Variants in TNK2 observed in about 807,000 individuals in gnomAD.
TNK2 encodes the protein tyrosine kinase non receptor 2, also known as activated CDC42 kinase 1.
TNK2 carries 83 observed loss-of-function variants against 101.8 expected under a neutral mutation model. The observed-to-expected ratio is 0.82, with a 90% CI of 0.68 to 0.98. The LOEUF is 0.98. TNK2 is among the 50% of genes least tolerant of loss of function. The probability of loss-of-function intolerance (pLI) is 0.00; values close to 1 mark genes in which losing one functional copy is unlikely to be tolerated. For synonymous variants in TNK2, 804 were observed against 633.0 expected (o/e 1.27, Z -4.06); for missense variants, 1,665 against 1,483.2 (o/e 1.12, Z -2.01).
At position 195,873,075 on chromosome 3, in the gene TNK2, G is replaced by A. The variant is rs375563929; in HGVS notation, c.1257-605C>T. Among the ~76,000 whole-genome samples, 80 of 152,260 alleles carry A rather than the reference G, an allele frequency of 5.3e-4. 2 individuals carry two copies. The South Asian group carries it at 0.014, about 27-fold the overall frequency. On this transcript the variant is annotated intron_variant, in intron 9 of 15. Transcript: ENST00000672887. ...GGGCAACTCAGTCCCTCCCTCCACCGCTTCACCTGCTTCCGGAGCTTTCCA... is the reference window on the plus strand; with the variant it reads ...GGGCAACTCAGTCCCTCCCTCCACCACTTCACCTGCTTCCGGAGCTTTCCA...
chr3:195,898,068 G>T (rs1361299907), intron 1 of TNK2, among the ~76,000 whole-genome samples: 1 of 151,672 alleles, frequency 6.6e-6, no homozygotes, highest in Non-Finnish European at 1.5e-5. Context: ...TATCCAAACT[G>T]GGCTCAGCAT....
chr3:195,904,978 GACTA>G (rs1184765881), intron 1 of TNK2, among the ~76,000 whole-genome samples: 4 of 152,206 alleles, frequency 2.6e-5, no homozygotes, highest in African/African-American at 7.2e-5. Flanking sequence ...TGTAGAAATT[GACTA>G]ACTAATTCTA....
Position 195,868,930 on chromosome 3 carries a change from G to C in TNK2, c.1589-221C>G, listed in dbSNP as rs1025613465. On this transcript the variant is annotated intron_variant, in intron 12 of 15. Transcript: ENST00000672887. Reference sequence around the variant, plus strand: ...TGCTCTGCCCGGCAGCCCCATGTGGGCCGGTGAGCCCCGCCTCGCTCCGTC... The same window carrying C: ...TGCTCTGCCCGGCAGCCCCATGTGGCCCGGTGAGCCCCGCCTCGCTCCGTC... The C allele has an allele frequency of 1.2e-5, 7 of 569,036 alleles. 1 individual carries two copies. The South Asian group carries it at 1.6e-4, about 13-fold the overall frequency. The allele number at this position is 569,036 out of a possible 1,614,324, so 35.2% of individuals were successfully genotyped here. A position where few individuals can be genotyped will look rare whatever the true frequency, so the allele number is the denominator to read the frequency against.
Position 195,867,769 on chromosome 3 carries a change from G to A in TNK2, c.2529C>T (p.Ala843=), listed in dbSNP as rs750508068. 4 of 1,585,662 alleles carry A rather than the reference G, an allele frequency of 2.5e-6. No homozygotes were observed. Among genetic ancestry groups the A allele is most frequent in the Non-Finnish European group, 3.4e-6 (4 of 1,167,728 alleles). ...TQSFASDPKY[A]TPQVIQAPGP... ...CAGGGGCCTGGATCACCTGGGGGGT[G>A]GCGTACTTGGGGTCTGAGGCAAAGC... The change falls in exon 13 of 16, where the codon GCC becomes GCT. Residue 843 remains alanine, a synonymous_variant. Coordinates refer to ENST00000672887, the MANE Select transcript of TNK2 (RefSeq NM_001382273.1).
Position 195,885,629 on chromosome 3 carries a change from G to T in TNK2, c.235-596C>A. ...GATGAAGCTAGTCCTTGCTGGGAAG[G>T]GGCCTGGGAAGACAGCTGGGTCTCT... On this transcript the variant is annotated intron_variant, in intron 3 of 15. Transcript: ENST00000672887. The surrounding 1 kb of genome is among the most constrained non-coding windows in gnomAD (Gnocchi z 4.7). 1 of 1,279,236 alleles carries T rather than the reference G, an allele frequency of 7.8e-7. No homozygotes were observed. Among genetic ancestry groups the T allele is most frequent in the Non-Finnish European group, 1.0e-6 (1 of 979,286 alleles). 79.2% of individuals were successfully genotyped at this position (1,279,236 alleles called of 1,614,324 possible).
At chr3:195,884,707 G>A in intron 4 of TNK2, 105 bp downstream of exon 4, 1 of 1,039,340 alleles carries the variant, frequency 9.6e-7, no homozygotes. Flanking sequence ...GAGCCACACT[G>A]TGACGCATCC....
At chr3:195,876,636 G>A (rs1220804443) in intron 9 of TNK2, 1 of 456,136 alleles carries the variant, frequency 2.2e-6, no homozygotes. Context: ...AGGCACGGAG[G>A]GCAGGTGCTG....
intron 2 of TNK2, among the ~76,000 whole-genome samples, chr3:195,887,895 CAT>C (rs1478949122): frequency 0.011 from 1,364 of 127,186 alleles, 21 homozygotes; most frequent in African/African-American, 0.056. Flanking sequence ...TACGCACGTG[CAT>C]GCGTGTGTGC....
chr3:195,892,528 C>T (rs1311698369), intron 1 of TNK2: 2 of 1,531,022 alleles, frequency 1.3e-6, no homozygotes, highest in African/African-American at 2.7e-5. Flanking sequence ...CACTGGGGAT[C>T]CAGTGGCCTC....
chr3:195,895,133 G>C, intron 1 of TNK2: 1 of 1,011,880 alleles, frequency 9.9e-7, no homozygotes, highest in South Asian at 2.2e-5. Flanking sequence ...TGGCCCAGGA[G>C]CAGACACTCT....
At position 195,867,663 on chromosome 3, in the gene TNK2, C is replaced by G. The variant is rs143850445; in HGVS notation, c.2635G>C (p.Glu879Gln). The change falls in exon 13 of 16, where the codon GAG becomes CAG. Residue 879 changes from glutamate to glutamine, a missense_variant. Glu to Gln is a conservative substitution (Grantham distance 29). This residue lies in a region of TNK2 where 1,136 missense variants were observed against 894.9 expected (regional missense o/e 1.27). Transcript: ENST00000672887. ...TAGCGCTCCAGGTAGGATGGTCGCT[C>G]GGGCAGCAAGTAATAGTGGGTGCTG... is the stretch of plus-strand genomic sequence containing the variant. ...VSSTHYYLLP[E>Q]RPSYLERYQR... 1.4e-5 allele frequency: 22 copies of G among 1,605,894 alleles called. No homozygotes were observed. Among genetic ancestry groups the G allele is most frequent in the Middle Eastern group, 1.6e-4 (1 of 6,074 alleles).
chr3:195,894,920 G>A (rs538027922), intron 1 of TNK2, among the ~76,000 whole-genome samples: 1 of 152,338 alleles, frequency 6.6e-6, no homozygotes, highest in Admixed American at 6.5e-5. Flanking sequence ...TAGTAAACGG[G>A]AATGCCCAGG....
Position 195,902,646 on chromosome 3 carries a change from T to G in TNK2, c.-19+5839A>C, listed in dbSNP as rs199583041. 5.2e-3 allele frequency among the ~76,000 whole-genome samples: 632 copies of G among 120,484 alleles called. 5 individuals are homozygous for G. Among genetic ancestry groups the G allele is most frequent in the African/African-American group, 0.016 (557 of 34,646 alleles). 79.0% of individuals were successfully genotyped at this position (120,484 alleles called of 152,430 possible). On this transcript the variant is annotated intron_variant, in intron 1 of 15. Coordinates refer to ENST00000672887, the MANE Select transcript of TNK2 (RefSeq NM_001382273.1). ...AAAAAAAAACAAAAAAAAACAAACA[T>G]AAAAAAAAAAAAAAACACCTCTCAG...
At chr3:195,871,948 T>TTCCCCCGGAGAACCC (rs1745653790) in intron 10 of TNK2, among the ~76,000 whole-genome samples, 1 of 74,274 alleles carries the variant, frequency 1.3e-5, no homozygotes, top group African/African-American at 5.3e-5. Context: ...CTGGAGAACA[T>TTCCCCCGGAGAACCC]TCCCCTGGAG....
Position 195,886,895 on chromosome 3 carries a change from G to A in TNK2, c.234+82C>T. 6.7e-7 allele frequency: 1 copy of A among 1,482,886 alleles called. No individual in the cohort carries two copies. Among genetic ancestry groups the A allele is most frequent in the Non-Finnish European group, 9.4e-7 (1 of 1,060,618 alleles). 91.9% of individuals were successfully genotyped at this position (1,482,886 alleles called of 1,614,324 possible). ...GCGAGATTCGACCTGCCGGGGAGCTGGGGAAGGTTCCCAGGACCAGAAGCG... is the reference window on the plus strand; with the variant it reads ...GCGAGATTCGACCTGCCGGGGAGCTAGGGAAGGTTCCCAGGACCAGAAGCG... On this transcript the variant is annotated intron_variant, in intron 3 of 15. Transcript: ENST00000672887. The surrounding 1 kb of genome is among the most constrained non-coding windows in gnomAD (Gnocchi z 4.2).
chr3:195,903,398 A>G (rs745642525), intron 1 of TNK2, among the ~76,000 whole-genome samples: 9 of 152,210 alleles, frequency 5.9e-5, no homozygotes, highest in African/African-American at 2.2e-4. Context: ...ATCAGAAACA[A>G]GGTATCTACC....
chr3:195,886,933 C>T lies in TNK2; in HGVS notation c.234+44G>A, dbSNP rs765029057. Reference sequence around the variant, plus strand: ...AGGACCAGAAGCGGAGGGGGGCGTTCGAGGCTGCCCCCCTCCCACCTCCTC... The same window carrying T: ...AGGACCAGAAGCGGAGGGGGGCGTTTGAGGCTGCCCCCCTCCCACCTCCTC... On this transcript the variant is annotated intron_variant, in intron 3 of 15. Coordinates refer to ENST00000672887, the MANE Select transcript of TNK2 (RefSeq NM_001382273.1). The surrounding 1 kb of genome is among the most constrained non-coding windows in gnomAD (Gnocchi z 4.2). The T allele has an allele frequency of 6.2e-6, 10 of 1,603,496 alleles. No individual in the cohort carries two copies. The highest frequency in any genetic ancestry group is 4.0e-5 in the African/African-American group (3 of 74,858).
chr3:195,869,563 C>T (rs1577000200), intron 11 of TNK2, 22 bp from the exon 12 acceptor site: 2 of 1,551,140 alleles, frequency 1.3e-6, no homozygotes, highest in East Asian at 4.9e-5. Context: ...GCCATGCGGA[C>T]AGGGGGAGAG....
Position 195,878,275 on chromosome 3 carries a change from C to A in TNK2, c.1234G>T (p.Val412Phe). Residue 412 changes from valine to phenylalanine, a missense_variant, in exon 9 of 16, where the codon GTC becomes TTC. Val to Phe is a conservative substitution (Grantham distance 50). Around this residue, in one of 3 missense-constraint regions of TNK2, gnomAD observed 39 missense variants for 65.8 expected, o/e 0.59. Coordinates refer to ENST00000672887, the MANE Select transcript of TNK2 (RefSeq NM_001382273.1). The surrounding 1 kb of genome is among the most constrained non-coding windows in gnomAD (Gnocchi z 4.7). ...PDKLHIQMND[V>F]ITVIEGRAEN... ...TACCTTCCCTCGATGACGGTGATGA[C>A]ATCATTCATCTGGATGTGCAGCTTG... 1 of 1,614,166 alleles carries A rather than the reference C, an allele frequency of 6.2e-7. No homozygotes were observed. The highest frequency in any genetic ancestry group is 2.2e-5 in the East Asian group (1 of 44,874).
Sources: gnomAD v4.1 joint callset for allele counts (sites outside exome capture counted in the v4.1 genomes callset) on GRCh38, gnomAD v4.1.1 for gene constraint, gnomAD v4.1.1 regional missense constraint, Gnocchi (gnomAD v3.1) non-coding constraint, MANE v1.5 for transcripts, NCBI Gene and HGNC (gene_info 2026-07-23, HGNC 2026-07-21) for gene names.